The following GRM5 variants were observed in gnomAD, a reference collection of about 807,000 sequenced individuals.
GRM5 encodes the protein metabotropic glutamate receptor 5.
GRM5 carries 19 observed loss-of-function variants against 83.1 expected under a neutral mutation model. The ratio of observed to expected loss-of-function variants is 0.23; its 90% confidence interval spans 0.16 to 0.34. GRM5 has a LOEUF of 0.34. Among genes scored for constraint, GRM5 ranks in the 10% least tolerant of loss-of-function variants. The pLI is 1.00. For synonymous variants in GRM5, 675 were observed against 633.6 expected (o/e 1.07, Z -0.98); for missense variants, 1,160 against 1,588.3 (o/e 0.73, Z 4.58).
chr11:88,998,711 A>T (rs1180461566), intron 2 of GRM5, among the ~76,000 whole-genome samples: 2 of 152,190 alleles, frequency 1.3e-5, no homozygotes, highest in East Asian at 3.8e-4. Flanking sequence ...ATACTCCTAA[A>T]ACTGACAAGT....
At chr11:88,834,352 A>G (rs1023920922) in intron 3 of GRM5, among the ~76,000 whole-genome samples, 24 of 152,236 alleles carry the variant, frequency 1.6e-4, no homozygotes, top group African/African-American at 5.8e-4. Context: ...TGGCATGTAC[A>G]AAAAGGTAAA....
intron 3 of GRM5, among the ~76,000 whole-genome samples, chr11:88,748,743 G>A (rs1438147728): frequency 6.6e-6 from 1 of 152,082 alleles, no homozygotes; most frequent in African/African-American, 2.4e-5. Context: ...AAAAGACACT[G>A]GATGCCATCT....
intron 8 of GRM5, among the ~76,000 whole-genome samples, chr11:88,531,827 T>C (rs1258238683): frequency 2.0e-5 from 3 of 152,132 alleles, no homozygotes; most frequent in Admixed American, 2.0e-4. Flanking sequence ...AAAATAATTT[T>C]CTTTCGCCAC....
chr11:88,573,573 A>T (rs1239968713), intron 7 of GRM5, among the ~76,000 whole-genome samples: 1 of 152,176 alleles, frequency 6.6e-6, no homozygotes, highest in African/African-American at 2.4e-5. Context: ...ATGTGCTCTC[A>T]GCTGCTGGTT....
intron 2 of GRM5, among the ~76,000 whole-genome samples, chr11:88,963,718 C>T (rs1231080773): frequency 3.9e-5 from 6 of 151,972 alleles, no homozygotes; most frequent in Non-Finnish European, 7.4e-5. Context: ...GGTATGTGAC[C>T]CTTTATTCTA....
chr11:88,632,247 C>CTTTTT (rs35797493), intron 4 of GRM5, among the ~76,000 whole-genome samples: 5 of 110,972 alleles, frequency 4.5e-5, no homozygotes, highest in East Asian at 2.6e-4. Context: ...ACAGTATGTA[C>CTTTTT]TTTTTTTTTT....
chr11:88,782,247 T>C (rs749059584), intron 3 of GRM5, among the ~76,000 whole-genome samples: 2 of 152,104 alleles, frequency 1.3e-5, no homozygotes, highest in African/African-American at 2.4e-5. Flanking sequence ...CTGATAAAGA[T>C]GTACTTGAGA....
At chr11:88,873,382 A>G in intron 2 of GRM5, among the ~76,000 whole-genome samples, 1 of 151,640 alleles carries the variant, frequency 6.6e-6, no homozygotes, top group Non-Finnish European at 1.5e-5. Flanking sequence ...GTTTACAGAA[A>G]TATTCACGTA....
intron 3 of GRM5, among the ~76,000 whole-genome samples, chr11:88,806,354 A>G (rs949936149): frequency 4.6e-5 from 7 of 152,204 alleles, no homozygotes; most frequent in African/African-American, 1.4e-4. Context: ...TATTAAAGAT[A>G]TGGTGTGTTC....
At chr11:88,809,715 A>G (rs1943557564) in intron 3 of GRM5, among the ~76,000 whole-genome samples, 1 of 151,966 alleles carries the variant, frequency 6.6e-6, no homozygotes, top group Non-Finnish European at 1.5e-5. Context: ...ATGACATCAT[A>G]TAGGGACATT....
At chr11:89,056,963 C>A (rs1941890235) in intron 1 of GRM5, among the ~76,000 whole-genome samples, 1 of 151,992 alleles carries the variant, frequency 6.6e-6, no homozygotes, top group South Asian at 2.1e-4. Context: ...ATATTATATC[C>A]TAAATGATAT....
At chr11:88,768,115 A>G (rs994850456) in intron 3 of GRM5, among the ~76,000 whole-genome samples, 1 of 152,018 alleles carries the variant, frequency 6.6e-6, no homozygotes, top group Non-Finnish European at 1.5e-5. Flanking sequence ...CGTTGAAAAC[A>G]AGGTATCAAA....
intron 4 of GRM5, among the ~76,000 whole-genome samples, chr11:88,607,053 G>A (rs1359050760): frequency 2.0e-5 from 3 of 151,518 alleles, no homozygotes; most frequent in Non-Finnish European, 2.9e-5. Context: ...TTGATTGCTG[G>A]CCCAAATACT....
intron 2 of GRM5, among the ~76,000 whole-genome samples, chr11:88,875,696 CT>C (rs1944841861): frequency 6.6e-6 from 1 of 152,056 alleles, no homozygotes; most frequent in African/African-American, 2.4e-5. Flanking sequence ...GATCCATGAG[CT>C]TCAGGATAGA....
intron 3 of GRM5, among the ~76,000 whole-genome samples, chr11:88,697,065 T>C (rs1385633703): frequency 6.6e-6 from 1 of 152,230 alleles, no homozygotes; most frequent in Non-Finnish European, 1.5e-5. Flanking sequence ...ATATAATTTA[T>C]GTCTCATGTG....
intron 9 of GRM5, among the ~76,000 whole-genome samples, chr11:88,520,620 T>A (rs1206541848): frequency 6.6e-6 from 1 of 151,886 alleles, no homozygotes; most frequent in East Asian, 1.9e-4. Context: ...TTCAAGGGCA[T>A]TAGTCATATC....
intron 4 of GRM5, among the ~76,000 whole-genome samples, chr11:88,639,548 C>T (rs551947216): frequency 6.6e-6 from 1 of 151,842 alleles, no homozygotes; most frequent in African/African-American, 2.4e-5. Flanking sequence ...AGCCATTTTC[C>T]CATACATCAT....
intron 1 of GRM5, among the ~76,000 whole-genome samples, chr11:89,060,361 G>A (rs571542368): frequency 8.6e-5 from 13 of 151,550 alleles, no homozygotes; most frequent in African/African-American, 2.7e-4. Flanking sequence ...ATGGGTTATG[G>A]CAGTACATGT....
chr11:88,744,181 CA>C (rs1422958785), intron 3 of GRM5, among the ~76,000 whole-genome samples: 3 of 151,992 alleles, frequency 2.0e-5, no homozygotes, highest in South Asian at 2.1e-4. Context: ...AGTGGAAAGC[CA>C]AATGAGAGCA....
Sources: allele counts gnomAD v4.1 joint callset (sites outside exome capture counted in the v4.1 genomes callset), GRCh38; gene constraint gnomAD v4.1.1; transcripts MANE v1.5; gene names NCBI Gene and HGNC (gene_info 2026-07-23, HGNC 2026-07-21).